Variants in GRIK2 observed in about 807,000 individuals in gnomAD.
The protein encoded by GRIK2 is glutamate receptor ionotropic, kainate 2.
A neutral mutation model predicts 100.3 loss-of-function variants in GRIK2; 32 were observed. That is an observed-to-expected ratio of 0.32 (90% CI 0.24 to 0.43). The LOEUF is 0.43. GRIK2 is among the 20% of genes least tolerant of loss of function. GRIK2 has a pLI of 1.00. For missense variants in GRIK2, 843 were observed against 1,114.9 expected (o/e 0.76, Z 3.47); for synonymous variants, 417 against 389.4 (o/e 1.07, Z -0.83).
At chr6:101,729,126 C>T (rs974092583) in intron 7 of GRIK2, among the ~76,000 whole-genome samples, 2 of 152,128 alleles carry the variant, frequency 1.3e-5, no homozygotes, top group South Asian at 2.1e-4. Context: ...ATTCTGGCAG[C>T]TAGAGTAGAG....
chr6:101,739,849 G>C (rs971764523), intron 7 of GRIK2, among the ~76,000 whole-genome samples: 1 of 152,004 alleles, frequency 6.6e-6, no homozygotes, highest in African/African-American at 2.4e-5. Flanking sequence ...ACAATTTTCT[G>C]TAAGACATGG....
intron 2 of GRIK2, among the ~76,000 whole-genome samples, chr6:101,438,568 T>C (rs1464918938): frequency 1.3e-5 from 2 of 152,100 alleles, no homozygotes; most frequent in African/African-American, 4.8e-5. Flanking sequence ...ACCAAAATAA[T>C]GTAGCCACAT....
chr6:101,493,365 A>G (rs1233103457), intron 2 of GRIK2, among the ~76,000 whole-genome samples: 3 of 152,100 alleles, frequency 2.0e-5, no homozygotes, highest in Non-Finnish European at 2.9e-5. Context: ...GCAACCAGAT[A>G]GAAAATACAG....
In GRIK2 at chr6:101,816,242, T is replaced by TA. The variant is rs60188503; in HGVS notation, c.1204-2118dup. On this transcript the variant is annotated intron_variant, in intron 9 of 16. Transcript: ENST00000369134. ...TCTTAGCTATTTTGCCAATTTATATTAAAAAAAAAAGTAAAATCTAAGGGA... is the reference window on the plus strand; with the variant it reads ...TCTTAGCTATTTTGCCAATTTATATTAAAAAAAAAAAGTAAAATCTAAGGGA... Among the ~76,000 whole-genome samples, 68 of 149,204 alleles carry TA rather than the reference T, an allele frequency of 4.6e-4. 1 individual carries two copies. Among genetic ancestry groups the TA allele is most frequent in the African/African-American group, 1.1e-3 (44 of 40,976 alleles).
intron 14 of GRIK2, among the ~76,000 whole-genome samples, chr6:101,942,784 G>T (rs1476373852): frequency 1.3e-5 from 2 of 152,144 alleles, no homozygotes; most frequent in Non-Finnish European, 2.9e-5. Context: ...TCTGAAATTA[G>T]AACTTATGTT....
chr6:101,853,660 A>G (rs1784264196), intron 10 of GRIK2, among the ~76,000 whole-genome samples: 2 of 152,242 alleles, frequency 1.3e-5, no homozygotes, highest in Admixed American at 1.3e-4. Context: ...AACTTTATTT[A>G]TAATTGCCCA....
intron 4 of GRIK2, among the ~76,000 whole-genome samples, chr6:101,671,934 G>A (rs1211207897): frequency 6.6e-6 from 1 of 152,104 alleles, no homozygotes; most frequent in Non-Finnish European, 1.5e-5. Context: ...GAAGGGTACA[G>A]GTGTCTGTGG....
intron 7 of GRIK2, among the ~76,000 whole-genome samples, chr6:101,795,406 A>T (rs1780227694): frequency 6.6e-6 from 1 of 152,118 alleles, no homozygotes; most frequent in South Asian, 2.1e-4. Context: ...TTCAGTCCTG[A>T]GGCCCAGTGG....
chr6:101,442,694 A>T (rs1770144241), intron 2 of GRIK2, among the ~76,000 whole-genome samples: 1 of 152,136 alleles, frequency 6.6e-6, no homozygotes, highest in South Asian at 2.1e-4. Flanking sequence ...AAATATTTAC[A>T]TGATTTCTGT....
At chr6:101,739,278 C>A (rs1775874389) in intron 7 of GRIK2, among the ~76,000 whole-genome samples, 2 of 152,124 alleles carry the variant, frequency 1.3e-5, no homozygotes, top group South Asian at 4.1e-4. Flanking sequence ...ATCACATAGG[C>A]CCTCAGTGGG....
chr6:101,653,183 A>T (rs1781888911), intron 4 of GRIK2, among the ~76,000 whole-genome samples: 1 of 152,010 alleles, frequency 6.6e-6, no homozygotes, highest in Non-Finnish European at 1.5e-5. Context: ...TCTCTGACAG[A>T]CTTCTGTTAT....
intron 14 of GRIK2, among the ~76,000 whole-genome samples, chr6:102,015,708 C>T (rs908215283): frequency 6.6e-6 from 1 of 152,204 alleles, no homozygotes; most frequent in Admixed American, 6.5e-5. Context: ...GATCCCACTG[C>T]CACTGCCCTG....
chr6:101,466,863 A>C (rs985007547), intron 2 of GRIK2, among the ~76,000 whole-genome samples: 1 of 152,198 alleles, frequency 6.6e-6, no homozygotes, highest in Non-Finnish European at 1.5e-5. Context: ...AAAGTATGGA[A>C]TTATAAACAT....
chr6:101,967,570 C>T (rs902694083), intron 14 of GRIK2, among the ~76,000 whole-genome samples: 3 of 152,042 alleles, frequency 2.0e-5, no homozygotes, highest in South Asian at 2.1e-4. Flanking sequence ...GTCACAAAGA[C>T]GACTTGTACC....
At chr6:101,724,231 G>C (rs1774701402) in intron 7 of GRIK2, among the ~76,000 whole-genome samples, 1 of 151,782 alleles carries the variant, frequency 6.6e-6, no homozygotes, top group Admixed American at 6.6e-5. Flanking sequence ...TACATGGACA[G>C]GTTTGTTATA....
chr6:101,620,516 G>A (rs1338523833), intron 2 of GRIK2, among the ~76,000 whole-genome samples: 3 of 152,036 alleles, frequency 2.0e-5, no homozygotes, highest in Non-Finnish European at 4.4e-5. Context: ...ATTCCTCATA[G>A]TTAGAGGAAT....
intron 4 of GRIK2, among the ~76,000 whole-genome samples, chr6:101,649,545 C>T (rs951762144): frequency 6.6e-6 from 1 of 152,104 alleles, no homozygotes; most frequent in Admixed American, 6.6e-5. Context: ...TCAGCTTTCA[C>T]CCTTCTAGAA....
intron 4 of GRIK2, among the ~76,000 whole-genome samples, chr6:101,652,417 AAC>A (rs1364227003): frequency 3.3e-5 from 5 of 152,134 alleles, no homozygotes; most frequent in African/African-American, 1.2e-4. Context: ...CCTGACTTCA[AAC>A]TTTCAGCCTC....
At chr6:101,624,371 T>A (rs1780325083) in intron 3 of GRIK2, among the ~76,000 whole-genome samples, 2 of 152,146 alleles carry the variant, frequency 1.3e-5, no homozygotes, top group South Asian at 4.1e-4. Context: ...TAGCCACCAT[T>A]TATACTAATT....
Sources: allele counts gnomAD v4.1 joint callset (sites outside exome capture counted in the v4.1 genomes callset), GRCh38; gene constraint gnomAD v4.1.1; transcripts MANE v1.5; gene names NCBI Gene and HGNC (gene_info 2026-07-23, HGNC 2026-07-21).